FBXL7: variants seen among roughly 807,000 people sequenced by gnomAD.
The protein encoded by FBXL7 is F-box/LRR-repeat protein 7.
Under a neutral mutation model 38.3 loss-of-function variants are expected in FBXL7, and 12 were observed. That is an observed-to-expected ratio of 0.31 (90% confidence interval 0.20 to 0.51). The LOEUF is 0.51. FBXL7 is among the 20% of genes least tolerant of loss of function. The pLI is 0.98. For synonymous variants in FBXL7, 297 were observed against 300.9 expected (o/e 0.99, Z 0.13); for missense variants, 567 against 676.4 (o/e 0.84, Z 1.79).
chr5:15,532,930 G>T (rs764448331), intron 1 of FBXL7, among the ~76,000 whole-genome samples: 2 of 152,244 alleles, frequency 1.3e-5, no homozygotes, highest in Non-Finnish European at 2.9e-5. Flanking sequence ...AAGAGTCACA[G>T]ATGCCTCCCA....
intron 2 of FBXL7, among the ~76,000 whole-genome samples, chr5:15,685,877 G>C (rs1743000892): frequency 6.6e-6 from 1 of 152,134 alleles, no homozygotes; most frequent in Non-Finnish European, 1.5e-5. Flanking sequence ...TTACAACTTG[G>C]AGTGTCTTAC....
chr5:15,580,384 G>A (rs1185686648), intron 1 of FBXL7, among the ~76,000 whole-genome samples: 2 of 152,164 alleles, frequency 1.3e-5, no homozygotes, highest in African/African-American at 2.4e-5. Flanking sequence ...GAGTGAGGAG[G>A]CTGCCTGGAT....
intron 2 of FBXL7, among the ~76,000 whole-genome samples, chr5:15,731,398 G>T (rs982584528): frequency 6.6e-6 from 1 of 152,034 alleles, no homozygotes; most frequent in Non-Finnish European, 1.5e-5. Flanking sequence ...AAAACCATCC[G>T]ATCTCCTGAG....
intron 2 of FBXL7, among the ~76,000 whole-genome samples, chr5:15,867,244 T>C (rs1739754544): frequency 6.6e-6 from 1 of 152,216 alleles, no homozygotes; most frequent in African/African-American, 2.4e-5. Context: ...TACAGTTCTT[T>C]AAACTGGGCA....
At chr5:15,609,948 TCA>T (rs1353122544) in intron 1 of FBXL7, among the ~76,000 whole-genome samples, 11 of 152,052 alleles carry the variant, frequency 7.2e-5, no homozygotes, top group African/African-American at 2.7e-4. Context: ...TGTAATGGAC[TCA>T]CAGTTCCACA....
At chr5:15,822,552 G>A (rs1284472322) in intron 2 of FBXL7, among the ~76,000 whole-genome samples, 15 of 150,842 alleles carry the variant, frequency 9.9e-5, no homozygotes, top group Non-Finnish European at 1.8e-4. Context: ...TTTAATTATC[G>A]TACTTAGCCC....
At chr5:15,530,839 C>T (rs1737400065) in intron 1 of FBXL7, among the ~76,000 whole-genome samples, 1 of 152,164 alleles carries the variant, frequency 6.6e-6, no homozygotes, top group South Asian at 2.1e-4. Context: ...TGGGGAAGCC[C>T]CATGACCCTG....
At chr5:15,662,865 G>T (rs905967289) in intron 2 of FBXL7, among the ~76,000 whole-genome samples, 3 of 152,106 alleles carry the variant, frequency 2.0e-5, no homozygotes, top group Non-Finnish European at 4.4e-5. Flanking sequence ...CTGTGTGTCT[G>T]TTTTTGCACC....
intron 2 of FBXL7, among the ~76,000 whole-genome samples, chr5:15,777,277 C>A (rs76246396): frequency 3.3e-4 from 50 of 152,156 alleles, no homozygotes; most frequent in African/African-American, 1.2e-3. Flanking sequence ...AATATGACTC[C>A]TCCACTAGCT....
At chr5:15,531,671 T>C (rs529072128) in intron 1 of FBXL7, among the ~76,000 whole-genome samples, 1 of 152,332 alleles carries the variant, frequency 6.6e-6, no homozygotes, top group East Asian at 1.9e-4. Context: ...TTAATTTCAG[T>C]TTTGTAAAAG....
At chr5:15,590,064 A>G (rs916841877) in intron 1 of FBXL7, among the ~76,000 whole-genome samples, 3 of 152,196 alleles carry the variant, frequency 2.0e-5, no homozygotes, top group African/African-American at 7.2e-5. Flanking sequence ...CTCTTAAGAT[A>G]TCTTTGACCT....
chr5:15,589,534 C>T (rs6554888), intron 1 of FBXL7, among the ~76,000 whole-genome samples: 85,084 of 151,992 alleles, frequency 0.56, 25,149 homozygotes, highest in African/African-American at 0.75. Context: ...TGTAAACCCA[C>T]TAAACCTCTT....
At chr5:15,776,977 G>A (rs1008755728) in intron 2 of FBXL7, among the ~76,000 whole-genome samples, 5 of 151,984 alleles carry the variant, frequency 3.3e-5, no homozygotes, top group Admixed American at 3.3e-4. Context: ...TAATCACTCT[G>A]TATATGATTG....
intron 2 of FBXL7, among the ~76,000 whole-genome samples, chr5:15,698,422 C>T (rs770144540): frequency 1.6e-4 from 25 of 152,172 alleles, no homozygotes; most frequent in Non-Finnish European, 3.2e-4. Flanking sequence ...AAAGAAAAAT[C>T]TCAGAGCTAG....
In FBXL7 at chr5:15,895,490, T is replaced by C. The variant is rs1337499051; in HGVS notation, c.128-32400T>C. ...GAATATGAGATTAAAATATCATAAG[T>C]AAAGAAGGTGCTATAAGCTAGATAT... On this transcript the variant is annotated intron_variant, in intron 2 of 3. Transcript: ENST00000504595. Among the ~76,000 whole-genome samples, 4 of 152,142 alleles carry C rather than the reference T, an allele frequency of 2.6e-5. No homozygotes were observed. The East Asian group carries it at 7.7e-4, about 29-fold the overall frequency.
chr5:15,760,444 A>C (rs1385226556), intron 2 of FBXL7, among the ~76,000 whole-genome samples: 5 of 152,102 alleles, frequency 3.3e-5, no homozygotes, highest in Admixed American at 6.6e-5. Context: ...AAAAAAAGAA[A>C]AAAGTTGAGA....
At chr5:15,699,955 A>G (rs537157837) in intron 2 of FBXL7, among the ~76,000 whole-genome samples, 5 of 152,202 alleles carry the variant, frequency 3.3e-5, no homozygotes, top group Non-Finnish European at 5.9e-5. Context: ...CACTTTGACC[A>G]TATGTTCATC....
intron 2 of FBXL7, among the ~76,000 whole-genome samples, chr5:15,897,316 TACTC>T (rs1304088428): frequency 6.6e-6 from 1 of 152,258 alleles, no homozygotes; most frequent in East Asian, 1.9e-4. Context: ...TTGTTCGTCT[TACTC>T]ATTTATTCAA....
chr5:15,728,418 T>C (rs1163016069), intron 2 of FBXL7, among the ~76,000 whole-genome samples: 3 of 152,182 alleles, frequency 2.0e-5, no homozygotes, highest in African/African-American at 4.8e-5. Flanking sequence ...GAATGTCCAA[T>C]ATTTTGATTC....
Sources: allele counts gnomAD v4.1 joint callset (sites outside exome capture counted in the v4.1 genomes callset), GRCh38; gene constraint gnomAD v4.1.1; transcripts MANE v1.5; gene names NCBI Gene and HGNC (gene_info 2026-07-23, HGNC 2026-07-21).